KIAA0586: variants seen among roughly 807,000 people sequenced by gnomAD.
The protein encoded by KIAA0586 is protein TALPID3.
A neutral mutation model predicts 169.8 loss-of-function variants in KIAA0586; 144 were observed. That is an observed-to-expected ratio of 0.85 (90% confidence interval 0.74 to 0.97). The LOEUF (loss-of-function observed/expected upper bound fraction) is 0.97. Among genes scored for constraint, KIAA0586 ranks in the 50% least tolerant of loss-of-function variants. The pLI is 0.00. For synonymous variants in KIAA0586, 625 were observed against 612.4 expected (o/e 1.02, Z -0.30); for missense variants, 1,854 against 1,823.0 (o/e 1.02, Z -0.31).
Position 58,474,968 on chromosome 14 carries a change from G to T in KIAA0586, c.2825+171G>T, listed in dbSNP as rs182640579. 1.2e-4 allele frequency among the ~76,000 whole-genome samples: 19 copies of T among 152,304 alleles called. No homozygotes were observed. The East Asian group carries it at 3.1e-3, about 25-fold the overall frequency. ...GCTGAGGGCTTAACTATTGTTGGAG[G>T]TTATTGTTTTTGTCCTTGAATATTT... is the stretch of plus-strand genomic sequence containing the variant. On this transcript the variant is annotated intron_variant, in intron 19 of 30. Transcript: ENST00000652326.
rs1173352052 is a variant in KIAA0586 at position 58,457,970 on chromosome 14, C to G, written c.1574C>G (p.Ser525Cys). 5 of 1,584,138 alleles carry G rather than the reference C, an allele frequency of 3.2e-6. No homozygotes were observed. The highest frequency in any genetic ancestry group is 3.6e-5 in the Admixed American group (2 of 55,738). Residue 525 changes from serine (S) to cysteine (C), a missense_variant, in exon 11 of 31, where the codon TCT becomes TGT. Transcript: ENST00000652326. ...AAMYSLINAL[S>C]TNREMSEKIR... ...ATGTATTCGCTTATCAATGCTTTAT[C>G]TACCAACAGGTAAGAGGATGTTGGC...
At chr14:58,502,826 A>G (rs886296562) in intron 27 of KIAA0586, among the ~76,000 whole-genome samples, 2 of 152,180 alleles carry the variant, frequency 1.3e-5, no homozygotes, top group Non-Finnish European at 2.9e-5. Flanking sequence ...TCTCCTGGTG[A>G]CCACAGACTA....
intron 19 of KIAA0586, among the ~76,000 whole-genome samples, chr14:58,476,907 A>G (rs1445666886): frequency 6.6e-6 from 1 of 151,962 alleles, no homozygotes; most frequent in African/African-American, 2.4e-5. Context: ...AATCTGCCCA[A>G]CGTGGCCTCC....
intron 4 of KIAA0586, among the ~76,000 whole-genome samples, chr14:58,432,761 A>G (rs1056873158): frequency 2.6e-5 from 4 of 152,196 alleles, no homozygotes; most frequent in Non-Finnish European, 5.9e-5. Context: ...CGCGTCGCCC[A>G]GGCTGGAGTG....
At chr14:58,460,900 TA>T (rs1301166167) in intron 13 of KIAA0586, 85 bp from the exon 14 acceptor site, 27 of 941,900 alleles carry the variant, frequency 2.9e-5, no homozygotes, top group Non-Finnish European at 3.7e-5. Flanking sequence ...TTATAATACT[TA>T]AGCTAGCAAA....
intron 27 of KIAA0586, among the ~76,000 whole-genome samples, chr14:58,505,062 G>A (rs893804727): frequency 1.2e-4 from 18 of 152,008 alleles, no homozygotes. Context: ...CTTTTTTCCT[G>A]TCCCATGTAT....
At chr14:58,498,349 T>C (rs908495058) in intron 26 of KIAA0586, among the ~76,000 whole-genome samples, 1 of 152,022 alleles carries the variant, frequency 6.6e-6, no homozygotes, top group Middle Eastern at 3.2e-3. Flanking sequence ...CTAATTTTTG[T>C]ATTTTTTGTC....
In KIAA0586 at chr14:58,540,113, C is replaced by T. The variant is rs370303493; in HGVS notation, c.4472C>T (p.Pro1491Leu). The T allele has an allele frequency of 3.6e-5, 56 of 1,559,142 alleles. No homozygotes were observed. In the African/African-American group the frequency reaches 5.4e-4, roughly 15 times the overall value. The change falls in exon 30 of 31, where the codon CCG (proline) becomes CTG (leucine). Residue 1491 changes from proline to leucine, a missense_variant. Physicochemically the swap from Pro to Leu is moderately conservative, Grantham distance 98. Coordinates refer to ENST00000652326, the MANE Select transcript of KIAA0586 (RefSeq NM_001329943.3). ...GATCGGACACAAATTGAGCTTAATC[C>T]GTACCTCACATGTGTATTTTCAGGT... ...DMDRTQIELN[P>L]YLTCVFSGGK...
At chr14:58,534,187 G>A (rs2046149808) in intron 29 of KIAA0586, among the ~76,000 whole-genome samples, 1 of 152,134 alleles carries the variant, frequency 6.6e-6, no homozygotes, top group South Asian at 2.1e-4. Flanking sequence ...TAGATACAGA[G>A]GCACTTAGCT....
chr14:58,461,412 T>G (rs2040312298), intron 14 of KIAA0586, among the ~76,000 whole-genome samples: 1 of 152,054 alleles, frequency 6.6e-6, no homozygotes, highest in African/African-American at 2.4e-5. Context: ...ATCATAAAAT[T>G]TTTATTTAGG....
chr14:58,442,071 T>C (rs1045903994), intron 4 of KIAA0586: 8 of 152,222 alleles, frequency 5.3e-5, no homozygotes, highest in African/African-American at 1.9e-4. Context: ...GGTACTTTAA[T>C]TCTTGGAGCT....
chr14:58,509,418 G>A (rs955526112), intron 28 of KIAA0586, among the ~76,000 whole-genome samples: 37 of 151,974 alleles, frequency 2.4e-4, no homozygotes, highest in Admixed American at 2.1e-3. Flanking sequence ...TTAATGCTGA[G>A]GTAAGCCAAT....
intron 28 of KIAA0586, among the ~76,000 whole-genome samples, chr14:58,510,105 T>C (rs893521541): frequency 7.2e-5 from 11 of 152,222 alleles, no homozygotes; most frequent in African/African-American, 2.7e-4. Context: ...GCGTGGTGGC[T>C]CACGCCTGTA....
chr14:58,472,222 T>A lies in KIAA0586; in HGVS notation c.2577T>A (p.Asp859Glu). The A allele has an allele frequency of 6.3e-7, 1 of 1,586,676 alleles. No individual in the cohort carries two copies. Among genetic ancestry groups the A allele is most frequent in the South Asian group, 1.2e-5 (1 of 86,118 alleles). ...WIKTPEIMKV[D>E]EEEVKFPGTN... is the part of the protein sequence containing the mutation. ...AGACTCCAGAAATTATGAAGGTAGA[T>A]GAAGAAGAGGTGAAGTTTCCAGGAA... Residue 859 changes from aspartate to glutamate, a missense_variant, in exon 18 of 31, where the codon GAT (aspartate) becomes GAA (glutamate). By Grantham distance (45) the Asp-to-Glu change is conservative. Transcript: ENST00000652326.
chr14:58,500,562 G>A (rs1006363466), intron 27 of KIAA0586, among the ~76,000 whole-genome samples: 5 of 151,858 alleles, frequency 3.3e-5, no homozygotes, highest in Admixed American at 1.3e-4. Flanking sequence ...AAAATTAGCC[G>A]GGCATAGTGG....
intron 29 of KIAA0586, among the ~76,000 whole-genome samples, chr14:58,522,713 A>G (rs2045309478): frequency 1.3e-5 from 2 of 152,230 alleles, no homozygotes; most frequent in Non-Finnish European, 2.9e-5. Context: ...CATCTCAGAA[A>G]TAATTTGTTA....
chr14:58,533,319 A>C lies in KIAA0586; in HGVS notation c.4430-6752A>C, dbSNP rs561901546. ...AGGAAGCAGCATAAAATTAGTTTCT[A>C]TTGGTGTCACAAAAGAAATGAAATA... On this transcript the variant is annotated intron_variant, in intron 29 of 30. Transcript: ENST00000652326. Among the ~76,000 whole-genome samples the C allele has an allele frequency of 2.6e-5, 4 of 152,360 alleles. No individual in the cohort carries two copies. The South Asian group carries it at 8.3e-4, about 32-fold the overall frequency.
At chr14:58,478,622 G>A (rs1024355905) in intron 20 of KIAA0586, among the ~76,000 whole-genome samples, 4 of 152,044 alleles carry the variant, frequency 2.6e-5, no homozygotes, top group Non-Finnish European at 4.4e-5. Flanking sequence ...GTGAGTCACC[G>A]CACCTGGCCC....
intron 15 of KIAA0586, 76 bp downstream of exon 15, chr14:58,466,105 G>T (rs544664851): frequency 1.5e-5 from 17 of 1,149,794 alleles, no homozygotes; most frequent in Admixed American, 6.3e-5. Flanking sequence ...TATTAGAGAC[G>T]GGGTTTCACT....
Sources: gnomAD v4.1 joint callset for allele counts (sites outside exome capture counted in the v4.1 genomes callset) on GRCh38, gnomAD v4.1.1 for gene constraint, MANE v1.5 for transcripts, NCBI Gene and HGNC (gene_info 2026-07-23, HGNC 2026-07-21) for gene names.